The following NECAP2 variants were observed in gnomAD, a reference collection of about 807,000 sequenced individuals.
NECAP2 encodes NECAP endocytosis associated 2.
Under a neutral mutation model 37.8 loss-of-function variants are expected in NECAP2, and 38 were observed. That is an observed-to-expected ratio of 1.01 (90% CI 0.78 to 1.32). The LOEUF (loss-of-function observed/expected upper bound fraction) is 1.32. Ranked by LOEUF, NECAP2 falls within the 40% of genes most tolerant of loss-of-function variation. The pLI, the probability that NECAP2 is intolerant of heterozygous loss-of-function variation, is 0.00. For synonymous variants in NECAP2, 121 were observed against 127.7 expected (o/e 0.95, Z 0.35); for missense variants, 316 against 334.5 (o/e 0.94, Z 0.43).
rs543066368 is a variant in NECAP2, at chr1:16,452,091, T to TC, written c.667+83dup. ...TCCCTGGCAGCCAGGCCCCATGGTT[T>TC]CCCCCCCGTTACACACATGGATTGG... On this transcript the variant is annotated intron_variant, in intron 6 of 7. Coordinates refer to ENST00000337132, the MANE Select transcript of NECAP2 (RefSeq NM_018090.5). 2.1e-4 allele frequency: 292 copies of TC among 1,413,004 alleles called. 1 individual carries two copies. Among genetic ancestry groups the TC allele is most frequent in the Non-Finnish European group, 2.6e-4 (267 of 1,042,998 alleles). The allele number at this position is 1,413,004 out of a possible 1,614,324, so 87.5% of individuals were successfully genotyped here. A position where few individuals can be genotyped will look rare whatever the true frequency, so the allele number is the denominator to read the frequency against.
chr1:16,442,422 C>T (rs939596461), intron 1 of NECAP2, among the ~76,000 whole-genome samples: 6 of 152,206 alleles, frequency 3.9e-5, no homozygotes, highest in Admixed American at 3.3e-4. Context: ...TAGCCTGAAT[C>T]TCAGGCCTGG....
Position 16,443,674 on chromosome 1 carries a change from G to A in NECAP2, c.135G>A (p.Arg45=). ...TGGACCAGCCATCATGGAGTGGCCG[G>A]CTGAGGATCACTGCAAAGGGACAGA... The part of the protein sequence containing the change: ...WQLDQPSWSG[R]LRITAKGQMA... The change falls in exon 2 of 8, where the codon CGG becomes CGA. Residue 45 remains arginine (R), a synonymous_variant. Transcript: ENST00000337132. 1 of 1,612,842 alleles carries A rather than the reference G, an allele frequency of 6.2e-7. No homozygotes were observed. The highest frequency in any genetic ancestry group is 1.3e-5 in the African/African-American group (1 of 75,038).
At position 16,451,856 on chromosome 1, in the gene NECAP2, G is replaced by A; in HGVS notation, c.508G>A (p.Gly170Arg). ...LNIANMKKKE[G>R]AAGNPRVRPA... ...TCTTTAGAACATGAAGAAGAAGGAA[G>A]GAGCAGCTGGGAATCCCCGAGTCCG... Residue 170 changes from glycine to arginine, a missense_variant, in exon 6 of 8, where the codon GGA becomes AGA. By Grantham distance (125) the Gly-to-Arg change is moderately radical. This residue lies in a region of NECAP2 where 204 missense variants were observed against 188.6 expected (regional missense o/e 1.08). Coordinates refer to ENST00000337132, the MANE Select transcript of NECAP2 (RefSeq NM_018090.5). 1.2e-6 allele frequency: 2 copies of A among 1,614,122 alleles called. No individual in the cohort carries two copies. Among genetic ancestry groups the A allele is most frequent in the South Asian group, 2.2e-5 (2 of 91,086 alleles).
rs888652798 is a variant in NECAP2, at chr1:16,451,504, C to T, written c.490-334C>T. 9.3e-5 allele frequency: 26 copies of T among 278,194 alleles called. No individual in the cohort carries two copies. In the Admixed American group the frequency reaches 1.0e-3, roughly 11 times the overall value. 17.2% of individuals were successfully genotyped at this position (278,194 alleles called of 1,614,324 possible). On this transcript the variant is annotated intron_variant, in intron 5 of 7. Transcript: ENST00000337132. ...CCAGTTTACACTTAAGCCAGCAGCG[C>T]GTGAATGGTTACTTCATATCGTAGT...
At chr1:16,445,995 G>A (rs533082720) in intron 2 of NECAP2, among the ~76,000 whole-genome samples, 33 of 152,148 alleles carry the variant, frequency 2.2e-4, no homozygotes, top group African/African-American at 8.0e-4. Flanking sequence ...GATCACCTGA[G>A]GTCGGGAGTT....
intron 4 of NECAP2, 144 bp from the exon 5 acceptor site, chr1:16,448,949 C>A: frequency 8.2e-6 from 5 of 609,048 alleles, no homozygotes. Flanking sequence ...TCAGGCCTCA[C>A]TCCCAAGCCT....
At chr1:16,447,089 A>G (rs1185512170) in intron 2 of NECAP2, among the ~76,000 whole-genome samples, 5 of 151,938 alleles carry the variant, frequency 3.3e-5, no homozygotes, top group African/African-American at 1.2e-4. Flanking sequence ...GGTATAAATC[A>G]AATTCCTGGG....
At chr1:16,457,738 G>A (rs528268219) in intron 7 of NECAP2, among the ~76,000 whole-genome samples, 1 of 136,960 alleles carries the variant, frequency 7.3e-6, no homozygotes, top group East Asian at 2.0e-4. Context: ...TTGAGACAAG[G>A]TTTCACTCTG....
chr1:16,449,970 C>T (rs2086817662), intron 5 of NECAP2: 4 of 301,438 alleles, frequency 1.3e-5, no homozygotes, highest in South Asian at 1.1e-4. Flanking sequence ...ACCCAAGGAC[C>T]AAGTGGATTG....
Position 16,458,889 on chromosome 1 carries a change from G to T in NECAP2, c.791G>T (p.Ter264LeuextTer87). Residue 264 changes from the stop codon to leucine (L), a stop_lost, in exon 8 of 8, where the codon TGA becomes TTA. Transcript: ENST00000337132. ...TQPGTGWVQF[*>L] ...CCAGGCACAGGCTGGGTCCAGTTCT[G>T]ACCTGAGCACGGTTTTTCCTCATGT... 6.2e-7 allele frequency: 1 copy of T among 1,614,006 alleles called. No homozygotes were observed. The highest frequency in any genetic ancestry group is 1.1e-5 in the South Asian group (1 of 91,036).
intron 2 of NECAP2, among the ~76,000 whole-genome samples, chr1:16,446,935 C>T (rs2086771960): frequency 1.3e-5 from 2 of 151,970 alleles, no homozygotes; most frequent in Admixed American, 1.3e-4. Context: ...TGGTGCATGC[C>T]TGTAATCCCA....
chr1:16,448,789 C>T (rs2275115), intron 4 of NECAP2, among the ~76,000 whole-genome samples: 16 of 152,186 alleles, frequency 1.1e-4, no homozygotes, highest in East Asian at 7.7e-4. Flanking sequence ...CAGGCTCTCA[C>T]GTGTCCTAGA....
intron 7 of NECAP2, 26 bp downstream of exon 7, chr1:16,455,919 G>T: frequency 6.3e-7 from 1 of 1,592,766 alleles, no homozygotes. Context: ...TTCTGCGGAG[G>T]GGCTGGGGCC....
intron 2 of NECAP2, among the ~76,000 whole-genome samples, chr1:16,446,379 C>T (rs1485793650): frequency 6.6e-6 from 1 of 152,116 alleles, no homozygotes; most frequent in East Asian, 1.9e-4. Context: ...CCAGCCTGGG[C>T]AACATATCAA....
intron 2 of NECAP2, among the ~76,000 whole-genome samples, chr1:16,446,009 G>A (rs141396180): frequency 0.051 from 7,777 of 151,958 alleles, 295 homozygotes; most frequent in Non-Finnish European, 0.078. Context: ...GGGAGTTTGA[G>A]ACCAGCCTGA....
chr1:16,455,023 G>A (rs1041071463), intron 6 of NECAP2, among the ~76,000 whole-genome samples: 1 of 152,190 alleles, frequency 6.6e-6, no homozygotes, highest in African/African-American at 2.4e-5. Context: ...AGGGGCTGGG[G>A]TGAGGTTCAC....
chr1:16,456,660 GA>G (rs1317169448), intron 7 of NECAP2, among the ~76,000 whole-genome samples: 4 of 152,186 alleles, frequency 2.6e-5, no homozygotes, highest in Middle Eastern at 3.2e-3. Context: ...GGGCCAGGGT[GA>G]AAAGATACTA....
In NECAP2 at chr1:16,442,065, G is replaced by A. The variant is rs532039800; in HGVS notation, c.92+1212G>A. On this transcript the variant is annotated intron_variant, in intron 1 of 7. Transcript: ENST00000337132. ...GCGATCTCGGCTCACTGCAACCTCC[G>A]CCTCCCGGATTCAAGCGATTCTCCT... is the stretch of plus-strand genomic sequence containing the variant. Among the ~76,000 whole-genome samples, 9 of 148,966 alleles carry A rather than the reference G, an allele frequency of 6.0e-5. No homozygotes were observed. The South Asian group carries it at 1.1e-3, about 18-fold the overall frequency.
intron 6 of NECAP2, 78 bp from the exon 7 acceptor site, chr1:16,455,740 A>G (rs751338442): frequency 8.4e-6 from 10 of 1,189,898 alleles, no homozygotes; most frequent in Non-Finnish European, 1.3e-5. Flanking sequence ...TGATTTGGTC[A>G]TTGAAACAAC....
Sources: gnomAD v4.1 joint callset for allele counts (sites outside exome capture counted in the v4.1 genomes callset) on GRCh38, gnomAD v4.1.1 for gene constraint, gnomAD v4.1.1 regional missense constraint, MANE v1.5 for transcripts, NCBI Gene and HGNC (gene_info 2026-07-23, HGNC 2026-07-21) for gene names.